BCL9: variants seen among roughly 807,000 people sequenced by gnomAD.
The protein encoded by BCL9 is BCL9 transcription coactivator.
In BCL9, 25 loss-of-function variants were observed where a neutral mutation model predicts 88.5. The observed-to-expected ratio is 0.28, with a 90% confidence interval of 0.21 to 0.39. BCL9 has a LOEUF of 0.39. Among genes scored for constraint, BCL9 ranks in the 10% least tolerant of loss-of-function variants. The pLI is 1.00. For synonymous variants in BCL9, 711 were observed against 673.3 expected (o/e 1.06, Z -0.87); for missense variants, 1,817 against 1,877.8 (o/e 0.97, Z 0.60).
At position 147,624,537 on chromosome 1, in the gene BCL9, G is replaced by C. The variant is rs1319376230; in HGVS notation, c.3859G>C (p.Ala1287Pro). The change falls in exon 10 of 10, where the codon GCA becomes CCA. Residue 1287 changes from alanine to proline, a missense_variant. Ala to Pro is a conservative substitution (Grantham distance 27). Around this residue, in one of 2 missense-constraint regions of BCL9, gnomAD observed 589 missense variants for 686.2 expected, o/e 0.86. Transcript: ENST00000234739. The surrounding 1 kb of genome is among the most constrained non-coding windows in gnomAD (Gnocchi z 4.4). ...MGEQAPRMGL[A>P]LPGMGGPGPV... ...CGAACAAGCCCCCAGAATGGGACTAGCATTACCTGGCATGGGAGGTCCAGG... is the reference window on the plus strand; with the variant it reads ...CGAACAAGCCCCCAGAATGGGACTACCATTACCTGGCATGGGAGGTCCAGG... 6.2e-7 allele frequency: 1 copy of C among 1,614,068 alleles called. No individual in the cohort carries two copies. The highest frequency in any genetic ancestry group is 1.3e-5 in the African/African-American group (1 of 74,918).
rs1437497929 is a variant in BCL9, at chr1:147,624,457, G to A, written c.3779G>A (p.Arg1260His). ...TTCCCTCGAGGGGAAGTTCCAGGCC[G>A]TAAACAGCCCCAGGGTCCTGGACCT... ...QYFPRGEVPG[R>H]KQPQGPGPGF... Residue 1260 changes from arginine (R) to histidine (H), a missense_variant, in exon 10 of 10, where the codon CGT (arginine) becomes CAT (histidine). Coordinates refer to ENST00000234739, the MANE Select transcript of BCL9 (RefSeq NM_004326.4). The surrounding 1 kb of genome is among the most constrained non-coding windows in gnomAD (Gnocchi z 4.4). 14 of 1,614,068 alleles carry A rather than the reference G, an allele frequency of 8.7e-6. No individual in the cohort carries two copies. The highest frequency in any genetic ancestry group is 1.6e-4 in the Middle Eastern group (1 of 6,084).
Position 147,624,827 on chromosome 1 carries a change from C to T in BCL9, c.4149C>T (p.Ser1383=), listed in dbSNP as rs1314819525. 1.9e-6 allele frequency: 3 copies of T among 1,614,058 alleles called. No individual in the cohort carries two copies. In the African/African-American group the frequency reaches 4.0e-5, roughly 22 times the overall value. Residue 1383 remains serine, a synonymous_variant, in exon 10 of 10, where the codon TCC becomes TCT. Coordinates refer to ENST00000234739, the MANE Select transcript of BCL9 (RefSeq NM_004326.4). This position sits in a 1 kb window ranked among gnomAD's most constrained non-coding sequence, Gnocchi z 4.4. ...TGGGCTCTCCAGGCATGATGATGTC[C>T]ATGCAGGGCATGATGGGACCCCAAC... ...GPVGSPGMMM[S]MQGMMGPQQN...
rs782410874 is a variant in BCL9, at chr1:147,620,516, G to A, written c.2361G>A (p.Met787Ile). The A allele has an allele frequency of 6.9e-5, 111 of 1,614,040 alleles. No individual in the cohort carries two copies. The South Asian group carries it at 1.1e-3, about 16-fold the overall frequency. The change falls in exon 8 of 10, where the codon ATG (methionine) becomes ATA (isoleucine). Residue 787 changes from methionine (M) to isoleucine (I), a missense_variant. By Grantham distance (10) the Met-to-Ile change is conservative. Transcript: ENST00000234739. ...TGGGCCCCAGACCATTCCTTCCCAT[G>A]TCTCAGGGTCCAGGCAGCAACAGTG... ...YGMGPRPFLP[M>I]SQGPGSNSGL...
Position 147,620,507 on chromosome 1 carries a change from C to G in BCL9, c.2352C>G (p.Phe784Leu). Reference sequence around the variant, plus strand: ...AGTATGGCATGGGCCCCAGACCATTCCTTCCCATGTCTCAGGGTCCAGGCA... The same window carrying G: ...AGTATGGCATGGGCCCCAGACCATTGCTTCCCATGTCTCAGGGTCCAGGCA... ...QQEYGMGPRP[F>L]LPMSQGPGSN... Residue 784 changes from phenylalanine (F) to leucine (L), a missense_variant, in exon 8 of 10, where the codon TTC becomes TTG. Around this residue, in one of 2 missense-constraint regions of BCL9, gnomAD observed 1,228 missense variants for 1,191.6 expected, o/e 1.03. Transcript: ENST00000234739. 1 of 1,614,160 alleles carries G rather than the reference C, an allele frequency of 6.2e-7. No homozygotes were observed. The highest frequency in any genetic ancestry group is 8.5e-7 in the Non-Finnish European group (1 of 1,180,016).
At chr1:147,561,367 C>A (rs926225928) in intron 1 of BCL9, among the ~76,000 whole-genome samples, 1 of 152,120 alleles carries the variant, frequency 6.6e-6, no homozygotes, top group Admixed American at 6.5e-5. Context: ...TTTTCAGCAA[C>A]TCCCAAGTGA....
At chr1:147,553,269 T>C (rs1319330092) in intron 1 of BCL9, among the ~76,000 whole-genome samples, 1 of 152,130 alleles carries the variant, frequency 6.6e-6, no homozygotes, top group Non-Finnish European at 1.5e-5. Flanking sequence ...AGCTCTCTTA[T>C]TCTGTTTTGG....
At position 147,615,914 on chromosome 1, in the gene BCL9, C is replaced by T. The variant is rs372542307; in HGVS notation, c.660+12C>T. ...GCACAGCGCCTCTGGTATGTTGTTT[C>T]AGAAACTGAGTAATGGTTTAATGAT... is the stretch of plus-strand genomic sequence containing the variant. On this transcript the variant is annotated intron_variant, in intron 7 of 9. Coordinates refer to ENST00000234739, the MANE Select transcript of BCL9 (RefSeq NM_004326.4). 71 of 1,600,182 alleles carry T rather than the reference C, an allele frequency of 4.4e-5. No individual in the cohort carries two copies. The highest frequency in any genetic ancestry group is 1.7e-4 in the Middle Eastern group (1 of 6,060).
Position 147,620,886 on chromosome 1 carries a change from T to G in BCL9, c.2731T>G (p.Leu911Val), listed in dbSNP as rs1553205227. 6.2e-7 allele frequency: 1 copy of G among 1,614,078 alleles called. No individual in the cohort carries two copies. The highest frequency in any genetic ancestry group is 1.1e-5 in the South Asian group (1 of 91,080). The change falls in exon 8 of 10, where the codon TTG (leucine) becomes GTG (valine). Residue 911 changes from leucine (L) to valine (V), a missense_variant. Physicochemically the swap from Leu to Val is conservative, Grantham distance 32. Coordinates refer to ENST00000234739, the MANE Select transcript of BCL9 (RefSeq NM_004326.4). ...AAASIKSPPV[L>V]GSAAASPVHL... ...TGCTTCCATTAAGTCCCCCCCTGTT[T>G]TGGGGTCTGCTGCTGCTTCACCTGT...
Position 147,552,792 on chromosome 1 carries a change from C to T in BCL9, c.-478+11118C>T, listed in dbSNP as rs115617749. On this transcript the variant is annotated intron_variant, in intron 1 of 9. Coordinates refer to ENST00000234739, the MANE Select transcript of BCL9 (RefSeq NM_004326.4). ...TCACACAATGAAATACCCTGTTCTA[C>T]GCTTTCTAGGTTTGGGTTCTAGAGT... Among the ~76,000 whole-genome samples the T allele has an allele frequency of 4.2e-3, 632 of 152,274 alleles. 1 individual carries two copies. The highest frequency in any genetic ancestry group is 0.015 in the African/African-American group (610 of 41,558).
chr1:147,612,499 C>G (rs1344164470), intron 4 of BCL9, among the ~76,000 whole-genome samples: 1 of 152,162 alleles, frequency 6.6e-6, no homozygotes, highest in Non-Finnish European at 1.5e-5. Flanking sequence ...TACAGCTGTT[C>G]CTTGTCATCA....
intron 1 of BCL9, among the ~76,000 whole-genome samples, chr1:147,599,833 G>A (rs1189813386): frequency 2.6e-5 from 4 of 151,802 alleles, no homozygotes; most frequent in African/African-American, 9.7e-5. Flanking sequence ...GGGAAGCTGG[G>A]GGCGGGAGGA....
At position 147,620,753 on chromosome 1, in the gene BCL9, C is replaced by G; in HGVS notation, c.2598C>G (p.Pro866=). 4.3e-6 allele frequency: 7 copies of G among 1,614,088 alleles called. No individual in the cohort carries two copies. Among genetic ancestry groups the G allele is most frequent in the Non-Finnish European group, 5.9e-6 (7 of 1,180,036 alleles). ...HSPGINPLKS[P]TMHQVQSPML... Reference sequence around the variant, plus strand: ...CAGGCATTAACCCTCTGAAGTCTCCCACGATGCACCAAGTCCAGTCACCAA... The same window carrying G: ...CAGGCATTAACCCTCTGAAGTCTCCGACGATGCACCAAGTCCAGTCACCAA... The change falls in exon 8 of 10, where the codon CCC becomes CCG. Residue 866 remains proline (P), a synonymous_variant. Transcript: ENST00000234739.
At chr1:147,600,825 A>G (rs1232673736) in intron 1 of BCL9, among the ~76,000 whole-genome samples, 2 of 151,946 alleles carry the variant, frequency 1.3e-5, no homozygotes, top group African/African-American at 2.4e-5. Flanking sequence ...ATGTGTGAGT[A>G]GTTAAGGGCC....
In BCL9 at chr1:147,619,562, G is replaced by A. The variant is rs1658493915; in HGVS notation, c.1407G>A (p.Gln469=). The A allele has an allele frequency of 2.5e-6, 4 of 1,614,012 alleles. No individual in the cohort carries two copies. The highest frequency in any genetic ancestry group is 1.7e-5 in the Admixed American group (1 of 60,010). ...ACCTTGACCATATGACTCCCGAGCA[G>A]ATAGCGTGGCTGAAACTGCAGCAGG... ...PDHLDHMTPE[Q]IAWLKLQQEF... The change falls in exon 8 of 10, where the codon CAG becomes CAA. Residue 469 remains glutamine (Q), a synonymous_variant. Transcript: ENST00000234739. This position sits in a 1 kb window ranked among gnomAD's most constrained non-coding sequence, Gnocchi z 4.1.
Position 147,621,056 on chromosome 1 carries a change from A to T in BCL9, c.2901A>T (p.Ser967=), listed in dbSNP as rs1553205327. ...ASPAMLGNVE[S]GGPPPPTASQ... is the part of the protein sequence containing the mutation. ...CAGCCATGCTGGGAAATGTAGAGTC[A>T]GGTCAGTATGCTTGCATCCTCACAG... Residue 967 remains serine, a splice_region_variant and synonymous_variant, in exon 8 of 10, where the codon TCA becomes TCT. Coordinates refer to ENST00000234739, the MANE Select transcript of BCL9 (RefSeq NM_004326.4). 6.2e-7 allele frequency: 1 copy of T among 1,610,778 alleles called. No individual in the cohort carries two copies. Among genetic ancestry groups the T allele is most frequent in the South Asian group, 1.1e-5 (1 of 90,890 alleles).
chr1:147,582,520 T>C (rs12097020), intron 1 of BCL9, among the ~76,000 whole-genome samples: 1,759 of 152,338 alleles, frequency 0.012, 32 homozygotes, highest in African/African-American at 0.04. Context: ...GAAATGTTCT[T>C]CTAGTACAGG....
intron 1 of BCL9, among the ~76,000 whole-genome samples, chr1:147,585,477 G>T (rs1485931814): frequency 6.6e-6 from 1 of 152,066 alleles, no homozygotes; most frequent in African/African-American, 2.4e-5. Flanking sequence ...GATGGGGAGG[G>T]GATGATAAAG....
At chr1:147,592,739 T>C (rs587657768) in intron 1 of BCL9, among the ~76,000 whole-genome samples, 14 of 152,306 alleles carry the variant, frequency 9.2e-5, no homozygotes, top group African/African-American at 3.4e-4. Context: ...AATCCAGAGA[T>C]GACCAAATGC....
intron 3 of BCL9, 27 bp from the exon 4 acceptor site, chr1:147,611,551 C>CT: frequency 1.1e-5 from 5 of 464,580 alleles, no homozygotes; most frequent in South Asian, 3.5e-5. Context: ...TTGCTCCCAA[C>CT]TTTTTTTGGG....
Sources: gnomAD v4.1 joint callset for allele counts (sites outside exome capture counted in the v4.1 genomes callset) on GRCh38, gnomAD v4.1.1 for gene constraint, gnomAD v4.1.1 regional missense constraint, Gnocchi (gnomAD v3.1) non-coding constraint, MANE v1.5 for transcripts, NCBI Gene and HGNC (gene_info 2026-07-23, HGNC 2026-07-21) for gene names.